Variants in SLC35D2 observed in about 807,000 individuals in gnomAD.
The protein encoded by SLC35D2 is solute carrier family 35 member D2.
A neutral mutation model predicts 41.8 loss-of-function variants in SLC35D2; 43 were observed. The ratio of observed to expected loss-of-function variants is 1.03; its 90% CI spans 0.81 to 1.33. The LOEUF is 1.33. Ranked by LOEUF, SLC35D2 falls within the 40% of genes most tolerant of loss-of-function variation. SLC35D2 has a pLI of 0.00. For synonymous variants in SLC35D2, 150 were observed against 163.9 expected, an observed-to-expected ratio of 0.92 and a Z score of 0.65; for missense variants, 380 against 408.4, an observed-to-expected ratio of 0.93 and a Z score of 0.60.
intron 8 of SLC35D2, among the ~76,000 whole-genome samples, chr9:96,342,686 G>A (rs944638539): frequency 1.3e-5 from 2 of 152,150 alleles, no homozygotes. Flanking sequence ...ATAAACCCGT[G>A]GAAATGGCTG....
chr9:96,332,143 A>G (rs1381017174), intron 9 of SLC35D2, among the ~76,000 whole-genome samples: 1 of 152,224 alleles, frequency 6.6e-6, no homozygotes, highest in Non-Finnish European at 1.5e-5. Flanking sequence ...CTCAGAATAG[A>G]GGTTTGGTGG....
At chr9:96,383,370 G>A in intron 1 of SLC35D2, 107 bp downstream of exon 1, 2 of 784,720 alleles carry the variant, frequency 2.5e-6, no homozygotes, top group Non-Finnish European at 3.6e-6. Context: ...GCTGAGACTC[G>A]AGGGTCCCTG....
At chr9:96,378,268 T>TA (rs560408413) in intron 1 of SLC35D2, among the ~76,000 whole-genome samples, 2,130 of 121,040 alleles carry the variant, frequency 0.018, 27 homozygotes, top group African/African-American at 0.05. Flanking sequence ...ACTCCATCTC[T>TA]AAAAAAAAAA....
chr9:96,368,923 C>T (rs1830577955), intron 1 of SLC35D2, among the ~76,000 whole-genome samples: 1 of 151,960 alleles, frequency 6.6e-6, no homozygotes, highest in African/African-American at 2.4e-5. Flanking sequence ...CACCACCATG[C>T]CCGGTTAATT....
chr9:96,345,235 C>A, intron 7 of SLC35D2, 64 bp downstream of exon 7: 1 of 818,714 alleles, frequency 1.2e-6, no homozygotes, highest in Non-Finnish European at 2.0e-6. Context: ...CATTCATTTT[C>A]ATTTTTCATA....
intron 4 of SLC35D2, among the ~76,000 whole-genome samples, chr9:96,353,413 G>A (rs1256044040): frequency 6.6e-6 from 1 of 151,962 alleles, no homozygotes. Context: ...GAGTGCAGTG[G>A]CGCGATCTCA....
chr9:96,316,720 T>G (rs536209256), downstream of SLC35D2, among the ~76,000 whole-genome samples: 8 of 152,170 alleles, frequency 5.3e-5, no homozygotes, highest in Non-Finnish European at 8.8e-5. Context: ...GGTGCCTTTT[T>G]TGTGTGTGTG....
chr9:96,383,614 G>C lies in SLC35D2; in HGVS notation c.21C>G (p.Ala7=), dbSNP rs1831304682. 1.7e-6 allele frequency: 2 copies of C among 1,192,666 alleles called. No individual in the cohort carries two copies. The highest frequency in any genetic ancestry group is 3.2e-5 in the African/African-American group (2 of 61,922). 73.9% of individuals were successfully genotyped at this position (1,192,666 alleles called of 1,614,324 possible). Residue 7 remains alanine, a synonymous_variant, in exon 1 of 12, where the codon GCC becomes GCG. Transcript: ENST00000253270. The part of the protein sequence containing the change: MTAGGQ[A]EAEGAGGEPG... ...GCTCCCCGCCAGCGCCCTCGGCCTC[G>C]GCCTGGCCGCCGGCCGTCATCTCCT... is the stretch of plus-strand genomic sequence containing the variant.
intron 7 of SLC35D2, among the ~76,000 whole-genome samples, chr9:96,344,669 A>T (rs1015170354): frequency 2.0e-5 from 3 of 148,580 alleles, no homozygotes; most frequent in Admixed American, 2.0e-4. Flanking sequence ...TGGAACAAAG[A>T]AACATATGCC....
At chr9:96,317,642 A>G (rs964094714), downstream of SLC35D2, among the ~76,000 whole-genome samples, 1 of 152,158 alleles carries the variant, frequency 6.6e-6, no homozygotes, top group Non-Finnish European at 1.5e-5. Context: ...ATTGGAAGAA[A>G]GAAGGAAATT....
chr9:96,358,078 TTTTATATATA>T (rs957038841), intron 4 of SLC35D2, among the ~76,000 whole-genome samples: 13 of 79,252 alleles, frequency 1.6e-4, no homozygotes, highest in South Asian at 3.4e-4. Context: ...ATATTATATA[TTTTATATATA>T]TATATATATA....
At chr9:96,360,263 C>T in intron 3 of SLC35D2, 42 bp from the exon 4 acceptor site, 1 of 1,437,572 alleles carries the variant, frequency 7.0e-7, no homozygotes, top group South Asian at 1.2e-5. Flanking sequence ...GTTAGAACTC[C>T]AATAAGCATT....
chr9:96,333,921 G>C (rs1365604948), intron 9 of SLC35D2, among the ~76,000 whole-genome samples: 1 of 152,170 alleles, frequency 6.6e-6, no homozygotes, highest in African/African-American at 2.4e-5. Flanking sequence ...TGTGTACTAA[G>C]GGTTGACTTC....
intron 1 of SLC35D2, among the ~76,000 whole-genome samples, chr9:96,371,047 T>C (rs750711941): frequency 6.6e-6 from 1 of 152,136 alleles, no homozygotes; most frequent in Non-Finnish European, 1.5e-5. Context: ...GATAAATTGA[T>C]CTGGAAGACA....
At chr9:96,356,489 A>C (rs1233800686) in intron 4 of SLC35D2, among the ~76,000 whole-genome samples, 2 of 151,168 alleles carry the variant, frequency 1.3e-5, no homozygotes, top group Non-Finnish European at 3.0e-5. Flanking sequence ...AGAAGAACAA[A>C]GTTGGTGTAC....
intron 9 of SLC35D2, among the ~76,000 whole-genome samples, chr9:96,333,666 G>A (rs7046000): frequency 0.13 from 20,093 of 151,772 alleles, 1,797 homozygotes; most frequent in East Asian, 0.28. Context: ...GGCAAGCCCT[G>A]GAGGGTAACA....
chr9:96,374,561 G>A (rs1000568905), intron 1 of SLC35D2, among the ~76,000 whole-genome samples: 1 of 149,640 alleles, frequency 6.7e-6, no homozygotes, highest in African/African-American at 2.5e-5. Context: ...TAGGCCAGGC[G>A]CAGTGGCTCA....
At chr9:96,340,760 T>C (rs1388982158) in intron 8 of SLC35D2, among the ~76,000 whole-genome samples, 1 of 152,090 alleles carries the variant, frequency 6.6e-6, no homozygotes, top group Non-Finnish European at 1.5e-5. Context: ...ATTTTTCTTA[T>C]TGGTTTTGAA....
chr9:96,359,183 A>G (rs1830162286), intron 4 of SLC35D2, among the ~76,000 whole-genome samples: 1 of 151,358 alleles, frequency 6.6e-6, no homozygotes, highest in African/African-American at 2.4e-5. Flanking sequence ...AGGCGCCTGT[A>G]CTCCCAGCTA....
Sources: gnomAD v4.1 joint callset for allele counts (sites outside exome capture counted in the v4.1 genomes callset) on GRCh38, gnomAD v4.1.1 for gene constraint, MANE v1.5 for transcripts, NCBI Gene and HGNC (gene_info 2026-07-23, HGNC 2026-07-21) for gene names.